The following MAP4K4 variants were observed in gnomAD, a reference collection of about 807,000 sequenced individuals.
The protein encoded by MAP4K4 is HPK/GCK-like kinase HGK.
Under a neutral mutation model 189.6 loss-of-function variants are expected in MAP4K4, and 38 were observed. The ratio of observed to expected loss-of-function variants is 0.20; its 90% CI spans 0.15 to 0.26. The LOEUF is 0.26. MAP4K4 is among the 10% of genes least tolerant of loss of function. MAP4K4 has a pLI of 1.00. For missense variants in MAP4K4, 1,054 were observed against 1,726.9 expected (o/e 0.61, Z 6.91); for synonymous variants, 610 against 624.3 (o/e 0.98, Z 0.34).
chr2:101,756,073 T>C (rs2072584254), intron 2 of MAP4K4, among the ~76,000 whole-genome samples: 1 of 151,470 alleles, frequency 6.6e-6, no homozygotes, highest in Non-Finnish European at 1.5e-5. Flanking sequence ...CCTGAGTAGA[T>C]GGGACTGCAG....
rs1456270801 is a variant in MAP4K4 at position 101,859,800 on chromosome 2, G to C, written c.1640G>C (p.Ser547Thr). The stretch of plus-strand genomic sequence containing the variant: ...CCGCCACCACCGCAGCAGGAAAGGA[G>C]CAAGCCAAGCTTCCATGCTCCCGAG... The change falls in exon 15 of 33, where the codon AGC becomes ACC. Residue 547 changes from serine to threonine, a missense_variant. By Grantham distance (58) the Ser-to-Thr change is moderately conservative (BLOSUM62 1). Transcript: ENST00000324219. 11 of 1,611,006 alleles carry C rather than the reference G, an allele frequency of 6.8e-6. No individual in the cohort carries two copies. The Middle Eastern group carries it at 6.6e-4, about 97-fold the overall frequency.
intron 29 of MAP4K4, among the ~76,000 whole-genome samples, chr2:101,885,924 T>C (rs2098473629): frequency 6.6e-6 from 1 of 152,206 alleles, no homozygotes; most frequent in Admixed American, 6.5e-5. Context: ...ACAAAAATAC[T>C]CATGAAATTT....
intron 2 of MAP4K4, among the ~76,000 whole-genome samples, chr2:101,700,615 C>T (rs986965962): frequency 6.6e-6 from 1 of 152,150 alleles, no homozygotes; most frequent in Non-Finnish European, 1.5e-5. Flanking sequence ...CATCTGTATT[C>T]TTCTTTTCCT....
chr2:101,826,470 A>G (rs915887754), intron 5 of MAP4K4, among the ~76,000 whole-genome samples: 5 of 152,218 alleles, frequency 3.3e-5, no homozygotes, highest in African/African-American at 1.2e-4. Flanking sequence ...AAACACTTGC[A>G]AATGTCATTA....
At chr2:101,822,206 T>C (rs1057003066) in intron 3 of MAP4K4, among the ~76,000 whole-genome samples, 1 of 152,260 alleles carries the variant, frequency 6.6e-6, no homozygotes. Flanking sequence ...TATTATGTAC[T>C]ATACATAACT....
intron 6 of MAP4K4, among the ~76,000 whole-genome samples, chr2:101,830,552 C>CTGTT (rs1309409914): frequency 1.3e-5 from 2 of 152,180 alleles, no homozygotes; most frequent in Non-Finnish European, 2.9e-5. Flanking sequence ...ATAGGCACAG[C>CTGTT]TGTTGTACTG....
intron 2 of MAP4K4, among the ~76,000 whole-genome samples, chr2:101,741,614 A>C (rs1337867546): frequency 6.6e-6 from 1 of 151,780 alleles, no homozygotes; most frequent in African/African-American, 2.4e-5. Flanking sequence ...TTTAATTTCT[A>C]ATGTGGTAAA....
intron 31 of MAP4K4, among the ~76,000 whole-genome samples, chr2:101,888,349 G>C (rs998424023): frequency 6.6e-6 from 1 of 152,160 alleles, no homozygotes; most frequent in Non-Finnish European, 1.5e-5. Flanking sequence ...ACAGCCTTGT[G>C]CATACTTTTC....
chr2:101,863,914 C>G, exon 17 of MAP4K4: 1 of 1,367,660 alleles, frequency 7.3e-7, no homozygotes, highest in Non-Finnish European at 9.8e-7. Context: ...ATTTGCACAC[C>G]ACCATCTTCG....
chr2:101,833,056 G>A (rs77650045), intron 7 of MAP4K4, among the ~76,000 whole-genome samples: 8,706 of 152,238 alleles, frequency 0.057, 343 homozygotes, highest in Non-Finnish European at 0.089. Flanking sequence ...GTTGCCAGGA[G>A]TGGCCACTGG....
At chr2:101,712,717 A>T (rs2046284455) in intron 2 of MAP4K4, among the ~76,000 whole-genome samples, 1 of 150,882 alleles carries the variant, frequency 6.6e-6, no homozygotes, top group Non-Finnish European at 1.5e-5. Flanking sequence ...GCTGGTCTCA[A>T]ACTCCTGATC....
exon 22 of MAP4K4, chr2:101,869,742 G>A: frequency 1.3e-6 from 2 of 1,592,350 alleles, no homozygotes; most frequent in African/African-American, 1.3e-5. Flanking sequence ...GGACGACGAT[G>A]TGGAGCAGGA....
At chr2:101,873,727 G>C in exon 25 of MAP4K4, 1 of 1,612,508 alleles carries the variant, frequency 6.2e-7, no homozygotes, top group East Asian at 2.2e-5. Context: ...GATTACTACA[G>C]ATTTCTCCAT....
chr2:101,730,903 C>T (rs899192974), intron 2 of MAP4K4, among the ~76,000 whole-genome samples: 11 of 151,518 alleles, frequency 7.3e-5, no homozygotes, highest in African/African-American at 2.4e-4. Context: ...GAAAATTAGC[C>T]GGGCACGATG....
At chr2:101,849,879 T>A (rs1425685158) in intron 12 of MAP4K4, among the ~76,000 whole-genome samples, 1 of 151,962 alleles carries the variant, frequency 6.6e-6, no homozygotes, top group African/African-American at 2.4e-5. Flanking sequence ...AATAAAAAAA[T>A]AAAGAGTAAA....
intron 26 of MAP4K4, among the ~76,000 whole-genome samples, chr2:101,875,020 C>T (rs2098160510): frequency 1.3e-5 from 2 of 152,172 alleles, no homozygotes; most frequent in South Asian, 4.2e-4. Context: ...TAGTTATTAC[C>T]AGATTCTTGA....
At chr2:101,857,561 C>T (rs192272944) in intron 13 of MAP4K4, among the ~76,000 whole-genome samples, 7 of 152,170 alleles carry the variant, frequency 4.6e-5, no homozygotes, top group East Asian at 3.9e-4. Context: ...TCCTTTGCTC[C>T]GTCACAGTTG....
rs575767123 is a variant in MAP4K4 at position 101,810,577 on chromosome 2, T to C, written c.181-13351T>C. 5.6e-4 allele frequency among the ~76,000 whole-genome samples: 85 copies of C among 152,052 alleles called. No homozygotes were observed. In the South Asian group the frequency reaches 0.015, roughly 27 times the overall value. The stretch of plus-strand genomic sequence containing the variant: ...CTGTATCCCTCAGGTTTTATGATTT[T>C]CCCCCCCAAGTAATTAGAGATGTCT... On this transcript the variant is annotated intron_variant, in intron 3 of 32. Transcript: ENST00000324219.
intron 3 of MAP4K4, among the ~76,000 whole-genome samples, chr2:101,808,062 A>C (rs554198023): frequency 6.6e-6 from 1 of 152,354 alleles, no homozygotes; most frequent in East Asian, 1.9e-4. Flanking sequence ...CAACAACGGA[A>C]GTTTTCTTCA....
Sources: allele counts gnomAD v4.1 joint callset (sites outside exome capture counted in the v4.1 genomes callset), GRCh38; gene constraint gnomAD v4.1.1; transcripts MANE v1.5; gene names NCBI Gene and HGNC (gene_info 2026-07-23, HGNC 2026-07-21).